KIAA1217: variants seen among roughly 807,000 people sequenced by gnomAD.
KIAA1217 encodes sickle tail protein homolog.
Under a neutral mutation model 163.9 loss-of-function variants are expected in KIAA1217, and 88 were observed. The observed-to-expected ratio is 0.54, with a 90% CI of 0.45 to 0.64. KIAA1217 has a LOEUF of 0.64. Ranked by LOEUF, KIAA1217 falls within the 30% of genes least tolerant of loss-of-function variation. The pLI is 0.00. For missense variants in KIAA1217, 2,372 were observed against 2,475.0 expected (o/e 0.96, Z 0.88); for synonymous variants, 903 against 923.1 (o/e 0.98, Z 0.39).
chr10:24,543,477 A>G lies in KIAA1217; in HGVS notation c.4207A>G (p.Ile1403Val), dbSNP rs2075348083. 1 of 1,614,114 alleles carries G rather than the reference A, an allele frequency of 6.2e-7. No individual in the cohort carries two copies. Among genetic ancestry groups the G allele is most frequent in the South Asian group, 1.1e-5 (1 of 91,080 alleles). Residue 1403 changes from isoleucine to valine, a missense_variant, in exon 19 of 21, where the codon ATT becomes GTT. By Grantham distance (29) the Ile-to-Val change is conservative. Coordinates refer to ENST00000376454, the MANE Select transcript of KIAA1217 (RefSeq NM_019590.5). ...QVLSSGEVHD[I>V]VSQKGEDIQT... is the part of the protein sequence containing the mutation. Reference sequence around the variant, plus strand: ...TCTTTCCAGTGGGGAGGTGCATGATATTGTTAGCCAAAAGGGAGAAGACAT... The same window carrying G: ...TCTTTCCAGTGGGGAGGTGCATGATGTTGTTAGCCAAAAGGGAGAAGACAT...
chr10:23,727,042 C>T (rs1184844544), intron 1 of KIAA1217, among the ~76,000 whole-genome samples: 1 of 125,260 alleles, frequency 8.0e-6, no homozygotes, highest in Non-Finnish European at 1.6e-5. Flanking sequence ...GGCTGGAGTG[C>T]AGTGGCATGA....
At chr10:24,037,864 T>G (rs1465527651) in intron 2 of KIAA1217, among the ~76,000 whole-genome samples, 2 of 152,218 alleles carry the variant, frequency 1.3e-5, no homozygotes, top group Non-Finnish European at 2.9e-5. Context: ...CCTTTTTTGC[T>G]TTGGTGCTAG....
intron 2 of KIAA1217, among the ~76,000 whole-genome samples, chr10:24,347,349 G>A (rs144204752): frequency 2.0e-4 from 31 of 152,338 alleles, no homozygotes; most frequent in African/African-American, 6.0e-4. Flanking sequence ...TAAACACTCA[G>A]AGGACTGGAA....
At position 24,356,876 on chromosome 10, in the gene KIAA1217, G is replaced by A. The variant is rs145683126; in HGVS notation, c.355-23993G>A. Among the ~76,000 whole-genome samples the A allele has an allele frequency of 4.1e-4, 62 of 152,248 alleles. No individual in the cohort carries two copies. In the East Asian group the frequency reaches 5.8e-3, roughly 14 times the overall value. ...GTATTCTGTTATAGCAACATGATAC[G>A]GACTAAAACAGAGGCCATCTGTGTC... On this transcript the variant is annotated intron_variant, in intron 2 of 20. Transcript: ENST00000376454.
chr10:24,469,489 G>T (rs566012638), intron 5 of KIAA1217, among the ~76,000 whole-genome samples: 1 of 152,084 alleles, frequency 6.6e-6, no homozygotes, highest in African/African-American at 2.4e-5. Context: ...CTGGTTAATT[G>T]GGATCGTAGT....
chr10:24,093,541 C>A (rs2131692721), intron 2 of KIAA1217, among the ~76,000 whole-genome samples: 1 of 151,484 alleles, frequency 6.6e-6, no homozygotes, highest in South Asian at 2.1e-4. Flanking sequence ...TAGACTGCTG[C>A]CATCCTCTCA....
intron 3 of KIAA1217, among the ~76,000 whole-genome samples, chr10:24,405,321 T>C (rs1001205726): frequency 1.3e-5 from 2 of 152,210 alleles, no homozygotes; most frequent in African/African-American, 4.8e-5. Context: ...AAAATACATA[T>C]ACTTCTCTAA....
At chr10:24,167,298 T>C (rs2065402058) in intron 2 of KIAA1217, among the ~76,000 whole-genome samples, 1 of 151,834 alleles carries the variant, frequency 6.6e-6, no homozygotes. Context: ...TGTGTGTGTG[T>C]GTGTGTGTGT....
rs558393980 is a variant in KIAA1217, at chr10:24,260,962, A to C, written c.354+41053A>C. On this transcript the variant is annotated intron_variant, in intron 2 of 20. Coordinates refer to ENST00000376454, the MANE Select transcript of KIAA1217 (RefSeq NM_019590.5). ...GGAAAGGTGACATAATAATGGGTTC[A>C]CAGTATTGGAAGGGGGAGGACAAAA... is the stretch of plus-strand genomic sequence containing the variant. Among the ~76,000 whole-genome samples, 5 of 152,304 alleles carry C rather than the reference A, an allele frequency of 3.3e-5. No individual in the cohort carries two copies. In the South Asian group the frequency reaches 1.0e-3, roughly 32 times the overall value.
intron 1 of KIAA1217, among the ~76,000 whole-genome samples, chr10:23,955,158 A>G (rs1250445816): frequency 6.6e-6 from 1 of 152,192 alleles, no homozygotes; most frequent in Non-Finnish European, 1.5e-5. Context: ...ATAGAACACA[A>G]AAGTTCACAG....
intron 2 of KIAA1217, among the ~76,000 whole-genome samples, chr10:24,380,137 A>C (rs976381460): frequency 6.6e-6 from 1 of 152,116 alleles, no homozygotes; most frequent in Non-Finnish European, 1.5e-5. Context: ...ACTCTGAAGG[A>C]CCAGTTGTGT....
At chr10:23,738,984 A>G (rs1048823489) in intron 1 of KIAA1217, among the ~76,000 whole-genome samples, 2 of 152,204 alleles carry the variant, frequency 1.3e-5, no homozygotes, top group Non-Finnish European at 2.9e-5. Flanking sequence ...GATCAGGTGC[A>G]TGGGTTGCTT....
rs183330696 is a variant in KIAA1217 at position 24,516,721 on chromosome 10, G to A, written c.2177+3287G>A. 2.6e-5 allele frequency among the ~76,000 whole-genome samples: 4 copies of A among 152,322 alleles called. No homozygotes were observed. The East Asian group carries it at 7.7e-4, about 29-fold the overall frequency. On this transcript the variant is annotated intron_variant, in intron 10 of 20. Transcript: ENST00000376454. Reference sequence around the variant, plus strand: ...AGATCAGTGACTAGGAGACCATATGGGAAGCTACTGTATCCGTCAGGCAAA... The same window carrying A: ...AGATCAGTGACTAGGAGACCATATGAGAAGCTACTGTATCCGTCAGGCAAA...
chr10:24,350,029 G>A (rs1564518515), intron 2 of KIAA1217, among the ~76,000 whole-genome samples: 2 of 152,166 alleles, frequency 1.3e-5, no homozygotes, highest in Admixed American at 1.3e-4. Flanking sequence ...ACCATTAAAA[G>A]CAGGCATGAT....
At chr10:24,482,200 T>C (rs1008926367) in intron 6 of KIAA1217, 2 of 152,184 alleles carry the variant, frequency 1.3e-5, no homozygotes, top group Admixed American at 1.3e-4. Context: ...TGTGCTACTT[T>C]AAACAAATCA....
intron 6 of KIAA1217, among the ~76,000 whole-genome samples, chr10:24,484,711 G>A (rs922463665): frequency 3.3e-5 from 5 of 152,116 alleles, no homozygotes; most frequent in African/African-American, 1.2e-4. Context: ...ACAAGTGTGA[G>A]CCACTGTGCC....
At chr10:23,884,232 G>T (rs569452481) in intron 1 of KIAA1217, among the ~76,000 whole-genome samples, 6 of 151,916 alleles carry the variant, frequency 3.9e-5, no homozygotes, top group Non-Finnish European at 8.8e-5. Flanking sequence ...CCCCAACAAT[G>T]AATGAGAGTT....
chr10:24,297,721 A>G (rs1317599205), intron 2 of KIAA1217, among the ~76,000 whole-genome samples: 1 of 152,194 alleles, frequency 6.6e-6, no homozygotes, highest in Non-Finnish European at 1.5e-5. Context: ...ATGCCACTGC[A>G]TTCCAGCCTG....
chr10:23,872,024 T>A (rs1840478481), intron 1 of KIAA1217, among the ~76,000 whole-genome samples: 1 of 152,092 alleles, frequency 6.6e-6, no homozygotes, highest in African/African-American at 2.4e-5. Context: ...TCTGAGAAGA[T>A]CAAGCGACCT....
Sources: gnomAD v4.1 joint callset for allele counts (sites outside exome capture counted in the v4.1 genomes callset) on GRCh38, gnomAD v4.1.1 for gene constraint, MANE v1.5 for transcripts, NCBI Gene and HGNC (gene_info 2026-07-23, HGNC 2026-07-21) for gene names.